The following HMGA1 variants were observed in gnomAD, a reference collection of about 807,000 sequenced individuals.
HMGA1 encodes the protein high mobility group protein HMG-I/HMG-Y.
HMGA1 carries 1 observed loss-of-function variant against 15.1 expected under a neutral mutation model. The observed-to-expected ratio is 0.07, with a 90% CI of 0.02 to 0.31. HMGA1 has a LOEUF of 0.31. Among genes scored for constraint, HMGA1 ranks in the 10% least tolerant of loss-of-function variants. The probability of loss-of-function intolerance (pLI) is 1.00; values close to 1 mark genes in which losing one functional copy is unlikely to be tolerated. For missense variants in HMGA1, 94 were observed against 141.4 expected, an observed-to-expected ratio of 0.66 and a Z score of 1.70; for synonymous variants, 56 against 54.8, an observed-to-expected ratio of 1.02 and a Z score of -0.10.
intron 2 of HMGA1, among the ~76,000 whole-genome samples, chr6:34,237,938 G>A (rs1761944925): frequency 6.6e-6 from 1 of 152,114 alleles, no homozygotes. Flanking sequence ...CCTGGCCCGC[G>A]CCTCTTCAGC....
chr6:34,244,662 T>C (rs1789132517), intron 5 of HMGA1, among the ~76,000 whole-genome samples, 169 bp from the exon 6 acceptor site: 1 of 152,060 alleles, frequency 6.6e-6, no homozygotes, highest in Non-Finnish European at 1.5e-5. Flanking sequence ...TTAAATTCTT[T>C]TTATGAATGA....
intron 5 of HMGA1, among the ~76,000 whole-genome samples, chr6:34,244,434 CA>C (rs1482022495): frequency 6.6e-6 from 1 of 152,106 alleles, no homozygotes; most frequent in Non-Finnish European, 1.5e-5. Context: ...CCCCTGCACC[CA>C]CCAGCGGGCT....
At position 34,236,962 on chromosome 6, in the gene HMGA1, G is replaced by C. The variant is rs995378983; in HGVS notation, c.-160G>C. 2.6e-5 allele frequency: 4 copies of C among 152,504 alleles called. No homozygotes were observed. Among genetic ancestry groups the C allele is most frequent in the Non-Finnish European group, 4.4e-5 (3 of 68,064 alleles). 9.4% of individuals were successfully genotyped at this position (152,504 alleles called of 1,614,324 possible). On this transcript the variant is annotated splice_region_variant and 5_prime_UTR_variant, in exon 1 of 6. Transcript: ENST00000311487. Reference sequence around the variant, plus strand: ...CTGGCGCTGGCGCGGCTCCAAGAAGGCGTGAGTTCGCGGCCGCTCCGGTGG... The same window carrying C: ...CTGGCGCTGGCGCGGCTCCAAGAAGCCGTGAGTTCGCGGCCGCTCCGGTGG...
Position 34,237,476 on chromosome 6 carries a change from C to CGCGGCGCGGGGGCGGGCGGCGGGGCCCG in HMGA1, c.-45+171_-45+198dup, listed in dbSNP as rs1169827131. Reference sequence around the variant, plus strand: ...GCGAGCCGGCGGCGGGGGAGGGCCGCGCGGCGCGGGGGCGGGCGGCGGGGC... The same window carrying CGCGGCGCGGGGGCGGGCGGCGGGGCCCG: ...GCGAGCCGGCGGCGGGGGAGGGCCGCGCGGCGCGGGGGCGGGCGGCGGGGCCCGGCGGCGCGGGGGCGGGCGGCGGGGC... On this transcript the variant is annotated intron_variant, in intron 2 of 5. Coordinates refer to ENST00000311487, the MANE Select transcript of HMGA1 (RefSeq NM_145899.3). Among the ~76,000 whole-genome samples the CGCGGCGCGGGGGCGGGCGGCGGGGCCCG allele has an allele frequency of 1.3e-4, 18 of 142,990 alleles. No individual in the cohort carries two copies. In the East Asian group the frequency reaches 1.5e-3, roughly 12 times the overall value. 93.8% of individuals were successfully genotyped at this position (142,990 alleles called of 152,430 possible). A position where few individuals can be genotyped will look rare whatever the true frequency, so the allele number is the denominator to read the frequency against.
chr6:34,243,063 G>A (rs1762429237), intron 4 of HMGA1, among the ~76,000 whole-genome samples: 1 of 152,136 alleles, frequency 6.6e-6, no homozygotes, highest in Non-Finnish European at 1.5e-5. Context: ...TCTAGAGAAG[G>A]GCAGAGTGGG....
At chr6:34,239,965 C>A (rs1000097676) in intron 2 of HMGA1, among the ~76,000 whole-genome samples, 1 of 151,986 alleles carries the variant, frequency 6.6e-6, no homozygotes, top group African/African-American at 2.4e-5. Flanking sequence ...ACCCATCTGA[C>A]AAAGTCCCAT....
rs1396173989 is a variant in HMGA1 at position 34,245,945 on chromosome 6, T to C, written c.*1061T>C. On this transcript the variant is annotated 3_prime_UTR_variant, in exon 6 of 6. Transcript: ENST00000311487. ...CCAAATGTTCATCCTCATTGCCTCC[T>C]GTTCTGCCCACGATCCCCTCCCCCA... is the stretch of plus-strand genomic sequence containing the variant. The C allele has an allele frequency of 1.3e-5, 4 of 298,490 alleles. No homozygotes were observed. Among genetic ancestry groups the C allele is most frequent in the African/African-American group, 6.6e-5 (3 of 45,546 alleles). 18.5% of individuals were successfully genotyped at this position (298,490 alleles called of 1,614,324 possible).
intron 5 of HMGA1, among the ~76,000 whole-genome samples, chr6:34,244,440 C>T (rs1348358899): frequency 5.3e-5 from 8 of 152,058 alleles, no homozygotes; most frequent in Admixed American, 1.3e-4. Context: ...CACCCACCAG[C>T]GGGCTCTTGC....
chr6:34,241,869 G>A (rs1360021152), intron 3 of HMGA1, among the ~76,000 whole-genome samples: 1 of 152,146 alleles, frequency 6.6e-6, no homozygotes, highest in Non-Finnish European at 1.5e-5. Context: ...AGGGAGACAC[G>A]AGCTGTGAGG....
chr6:34,237,186 GCT>G lies in HMGA1; in HGVS notation c.-158-12_-158-11del, dbSNP rs113872254. 2.0e-5 allele frequency: 3 copies of G among 149,902 alleles called. No homozygotes were observed. The highest frequency in any genetic ancestry group is 4.9e-5 in the African/African-American group (2 of 41,016). 9.3% of individuals were successfully genotyped at this position (149,902 alleles called of 1,614,324 possible). A position where few individuals can be genotyped will look rare whatever the true frequency, so the allele number is the denominator to read the frequency against. Reference sequence around the variant, plus strand: ...GCGGCGGCGGTCTCTGAGCGCCTCTGCTCTCTCCCGGTTTCAGATCCGCATTT... The same window carrying G: ...GCGGCGGCGGTCTCTGAGCGCCTCTGCTCTCCCGGTTTCAGATCCGCATTT... On this transcript the variant is annotated splice_polypyrimidine_tract_variant and intron_variant, in intron 1 of 5. Transcript: ENST00000311487.
chr6:34,241,824 G>T (rs1383690794), intron 3 of HMGA1, among the ~76,000 whole-genome samples: 1 of 152,214 alleles, frequency 6.6e-6, no homozygotes, highest in South Asian at 2.1e-4. Flanking sequence ...TTCCCTGTCC[G>T]TACGGTGGAG....
In HMGA1 at chr6:34,245,756, CAAG is replaced by C. The variant is rs1208735941; in HGVS notation, c.*873_*875del. Reference sequence around the variant, plus strand: ...CCCTCCTCAGATGGGGCACCAATAACAAGGAGCTCACCCTGCCCGCTCCCAACC... The same window carrying C: ...CCCTCCTCAGATGGGGCACCAATAACGAGCTCACCCTGCCCGCTCCCAACC... On this transcript the variant is annotated 3_prime_UTR_variant, in exon 6 of 6. Transcript: ENST00000311487. The C allele has an allele frequency of 1.9e-6, 1 of 517,718 alleles. No homozygotes were observed. The highest frequency in any genetic ancestry group is 1.9e-5 in the African/African-American group (1 of 51,452). The allele number at this position is 517,718 out of a possible 1,614,324, so 32.1% of individuals were successfully genotyped here.
chr6:34,241,018 G>A, intron 3 of HMGA1, 103 bp downstream of exon 3: 1 of 1,334,272 alleles, frequency 7.5e-7, no homozygotes, highest in Non-Finnish European at 1.1e-6. Context: ...GGTGCAGAAT[G>A]ATTCTGCGCA....
In HMGA1 at chr6:34,245,675, G is replaced by A; in HGVS notation, c.*791G>A. ...CAAGAGCCCTGTGGCCGCCACCTGA[G>A]GTGGGCTGGGGCTGCTCCCCTAACC... On this transcript the variant is annotated 3_prime_UTR_variant, in exon 6 of 6. Coordinates refer to ENST00000311487, the MANE Select transcript of HMGA1 (RefSeq NM_145899.3). 8.0e-7 allele frequency: 1 copy of A among 1,252,378 alleles called. No individual in the cohort carries two copies. Among genetic ancestry groups the A allele is most frequent in the South Asian group, 1.3e-5 (1 of 74,928 alleles). 77.6% of individuals were successfully genotyped at this position (1,252,378 alleles called of 1,614,324 possible).
chr6:34,245,961 C>T lies in HMGA1; in HGVS notation c.*1077C>T, dbSNP rs1298014583. On this transcript the variant is annotated 3_prime_UTR_variant, in exon 6 of 6. Coordinates refer to ENST00000311487, the MANE Select transcript of HMGA1 (RefSeq NM_145899.3). ...ATTGCCTCCTGTTCTGCCCACGATC[C>T]CCTCCCCCAAGATACTCTTTGTGGG... 1.1e-5 allele frequency: 3 copies of T among 279,386 alleles called. No individual in the cohort carries two copies. Among genetic ancestry groups the T allele is most frequent in the Non-Finnish European group, 2.1e-5 (3 of 145,942 alleles). The allele number at this position is 279,386 out of a possible 1,614,324, so 17.3% of individuals were successfully genotyped here.
chr6:34,240,680 G>A (rs1387177901), intron 2 of HMGA1, 57 bp from the exon 3 acceptor site: 2 of 1,356,988 alleles, frequency 1.5e-6, no homozygotes. Context: ...GGGTGATGAG[G>A]GGGTAGAAAG....
intron 2 of HMGA1, among the ~76,000 whole-genome samples, chr6:34,239,742 T>C (rs1177162085): frequency 6.6e-6 from 1 of 152,196 alleles, no homozygotes; most frequent in Non-Finnish European, 1.5e-5. Flanking sequence ...ATACAGGGTA[T>C]TCCCAAATAC....
chr6:34,237,468 G>A (rs1202370682), intron 2 of HMGA1, among the ~76,000 whole-genome samples, 151 bp downstream of exon 2: 2 of 143,512 alleles, frequency 1.4e-5, no homozygotes, highest in African/African-American at 5.0e-5. Context: ...GGCGGCGGGG[G>A]AGGGCCGCGC....
In HMGA1 at chr6:34,245,313, C is replaced by T. The variant is rs538200876; in HGVS notation, c.*429C>T. On this transcript the variant is annotated 3_prime_UTR_variant, in exon 6 of 6. Coordinates refer to ENST00000311487, the MANE Select transcript of HMGA1 (RefSeq NM_145899.3). ...TCCCATAGTGGGGCCTGGGAGGGTT[C>T]CCCTGGCCTTAAAAGGGGCCCAAGC... The T allele has an allele frequency of 9.5e-6, 13 of 1,369,840 alleles. No homozygotes were observed. The South Asian group carries it at 1.6e-4, about 17-fold the overall frequency. The allele number at this position is 1,369,840 out of a possible 1,614,324, so 84.9% of individuals were successfully genotyped here.
Sources: allele counts gnomAD v4.1 joint callset (sites outside exome capture counted in the v4.1 genomes callset), GRCh38; gene constraint gnomAD v4.1.1; transcripts MANE v1.5; gene names NCBI Gene and HGNC (gene_info 2026-07-23, HGNC 2026-07-21).